SMAP1: variants seen among roughly 807,000 people sequenced by gnomAD.
SMAP1 encodes small ArfGAP 1, also known as stromal membrane-associated protein 1.
In SMAP1, 24 loss-of-function variants were observed where a neutral mutation model predicts 58.5. That is an observed-to-expected ratio of 0.41 (90% confidence interval 0.30 to 0.58). SMAP1 has a LOEUF of 0.58. SMAP1 is among the 20% of genes least tolerant of loss of function. The pLI is 0.29. For synonymous variants in SMAP1, 216 were observed against 196.6 expected, an observed-to-expected ratio of 1.10 and a Z score of -0.82; for missense variants, 563 against 566.3, an observed-to-expected ratio of 0.99 and a Z score of 0.06.
intron 8 of SMAP1, among the ~76,000 whole-genome samples, chr6:70,853,362 C>A (rs1300065983): frequency 6.6e-6 from 1 of 152,096 alleles, no homozygotes; most frequent in Non-Finnish European, 1.5e-5. Context: ...ACAAACTACT[C>A]TTAAGCATAC....
In SMAP1 at chr6:70,682,170, ATTTTTTTTT is replaced by A. The variant is rs66981900; in HGVS notation, c.118+14057_118+14065del. On this transcript the variant is annotated intron_variant, in intron 1 of 10. Coordinates refer to ENST00000370455, the MANE Select transcript of SMAP1 (RefSeq NM_001044305.3). ...GGATTTAAGGTTATTCTCTGCACAG[ATTTTTTTTT>A]TTTTTTTTTTTTTTTTTTTTTTTTT... is the stretch of plus-strand genomic sequence containing the variant. Among the ~76,000 whole-genome samples the A allele has an allele frequency of 7.3e-4, 70 of 95,906 alleles. 1 individual carries two copies. Among genetic ancestry groups the A allele is most frequent in the South Asian group, 2.8e-3 (8 of 2,822 alleles). 62.9% of individuals were successfully genotyped at this position (95,906 alleles called of 152,430 possible). A position where few individuals can be genotyped will look rare whatever the true frequency, so the allele number is the denominator to read the frequency against.
chr6:70,806,203 G>A (rs117640221), intron 6 of SMAP1, among the ~76,000 whole-genome samples: 2 of 152,338 alleles, frequency 1.3e-5, no homozygotes, highest in East Asian at 3.9e-4. Flanking sequence ...ACCTGCTGAA[G>A]CCTCAGCTAT....
At chr6:70,785,432 G>A (rs1010834164) in intron 4 of SMAP1, among the ~76,000 whole-genome samples, 1 of 151,520 alleles carries the variant, frequency 6.6e-6, no homozygotes, top group African/African-American at 2.4e-5. Flanking sequence ...AGCTAGCAGA[G>A]GCAAGAAATA....
At chr6:70,810,433 AAAT>A (rs1769337288) in intron 6 of SMAP1, among the ~76,000 whole-genome samples, 1 of 152,222 alleles carries the variant, frequency 6.6e-6, no homozygotes, top group Non-Finnish European at 1.5e-5. Flanking sequence ...CACTTAGAAA[AAAT>A]GATCACTAAT....
At chr6:70,758,452 A>G (rs867961760) in intron 3 of SMAP1, among the ~76,000 whole-genome samples, 2 of 151,686 alleles carry the variant, frequency 1.3e-5, no homozygotes, top group Admixed American at 6.6e-5. Flanking sequence ...GCACACCAGC[A>G]TGGCACATGT....
At chr6:70,786,160 A>G (rs968915400) in intron 4 of SMAP1, among the ~76,000 whole-genome samples, 4 of 151,810 alleles carry the variant, frequency 2.6e-5, no homozygotes, top group Admixed American at 2.0e-4. Context: ...ACACAAATCA[A>G]TAAATGTAAT....
At chr6:70,737,936 G>A (rs1765677136) in intron 2 of SMAP1, among the ~76,000 whole-genome samples, 1 of 152,172 alleles carries the variant, frequency 6.6e-6, no homozygotes, top group African/African-American at 2.4e-5. Context: ...AGGGTAACTT[G>A]AGCTAGCATA....
intron 1 of SMAP1, among the ~76,000 whole-genome samples, chr6:70,697,897 T>C (rs1421366667): frequency 6.6e-6 from 1 of 152,058 alleles, no homozygotes; most frequent in Non-Finnish European, 1.5e-5. Context: ...TTCTGATGGG[T>C]TCATCTCTTG....
chr6:70,817,360 T>C (rs1446291482), intron 6 of SMAP1, among the ~76,000 whole-genome samples: 1 of 152,036 alleles, frequency 6.6e-6, no homozygotes, highest in African/African-American at 2.4e-5. Context: ...TAAGGAAAGA[T>C]CAATTTGAGG....
At chr6:70,767,365 C>T (rs1283698925) in intron 3 of SMAP1, among the ~76,000 whole-genome samples, 2 of 152,180 alleles carry the variant, frequency 1.3e-5, no homozygotes, top group Non-Finnish European at 2.9e-5. Flanking sequence ...GATATTGACT[C>T]TTCCTACCCA....
chr6:70,767,733 A>C (rs988552652), intron 3 of SMAP1, among the ~76,000 whole-genome samples: 7 of 142,026 alleles, frequency 4.9e-5, no homozygotes, highest in East Asian at 4.1e-4. Context: ...TAATTGAATA[A>C]CCCTTTATTT....
chr6:70,845,927 A>T lies in SMAP1; in HGVS notation c.665-6613A>T, dbSNP rs117819350. Among the ~76,000 whole-genome samples, 971 of 152,282 alleles carry T rather than the reference A, an allele frequency of 6.4e-3. 5 individuals are homozygous for T. The highest frequency in any genetic ancestry group is 9.1e-3 in the Non-Finnish European group (621 of 68,008). Reference sequence around the variant, plus strand: ...GGAAAGGGGAAGCCCTGGTGTAGGGATTCTAGTTAAGAAGCAGTTGTAATC... The same window carrying T: ...GGAAAGGGGAAGCCCTGGTGTAGGGTTTCTAGTTAAGAAGCAGTTGTAATC... On this transcript the variant is annotated intron_variant, in intron 7 of 10. Coordinates refer to ENST00000370455, the MANE Select transcript of SMAP1 (RefSeq NM_001044305.3).
intron 1 of SMAP1, among the ~76,000 whole-genome samples, chr6:70,713,732 G>A (rs931127598): frequency 6.6e-6 from 1 of 152,100 alleles, no homozygotes; most frequent in Non-Finnish European, 1.5e-5. Flanking sequence ...TGAGTAGAAC[G>A]TTCTGTATAG....
At chr6:70,771,975 A>C (rs1767343251) in intron 3 of SMAP1, among the ~76,000 whole-genome samples, 1 of 152,186 alleles carries the variant, frequency 6.6e-6, no homozygotes, top group Non-Finnish European at 1.5e-5. Flanking sequence ...CCGTCTGCCC[A>C]GGGCACAAGG....
chr6:70,809,319 T>A (rs1769287798), intron 6 of SMAP1, among the ~76,000 whole-genome samples: 1 of 152,122 alleles, frequency 6.6e-6, no homozygotes, highest in East Asian at 1.9e-4. Flanking sequence ...GGGAAAGAAA[T>A]GAAAACAACC....
chr6:70,758,150 G>T (rs1368686167), intron 3 of SMAP1, among the ~76,000 whole-genome samples: 1 of 150,356 alleles, frequency 6.7e-6, no homozygotes. Flanking sequence ...ACTGGATTAA[G>T]AAAATGTGGC....
intron 1 of SMAP1, among the ~76,000 whole-genome samples, chr6:70,698,211 A>G (rs982089717): frequency 7.9e-5 from 12 of 152,272 alleles, no homozygotes; most frequent in African/African-American, 2.9e-4. Context: ...TTCAGCACTT[A>G]AAATATGTCA....
intron 2 of SMAP1, among the ~76,000 whole-genome samples, chr6:70,737,798 A>G (rs1765672347): frequency 6.6e-6 from 1 of 152,208 alleles, no homozygotes; most frequent in East Asian, 1.9e-4. Flanking sequence ...GAGAAAAAAG[A>G]ATCATGCACT....
At chr6:70,693,959 CA>C (rs1767293725) in intron 1 of SMAP1, 1 of 158,036 alleles carries the variant, frequency 6.3e-6, no homozygotes, top group Non-Finnish European at 1.4e-5. Context: ...CTACAGTCAT[CA>C]TAACAAATCT....
Sources: gnomAD v4.1 joint callset for allele counts (sites outside exome capture counted in the v4.1 genomes callset) on GRCh38, gnomAD v4.1.1 for gene constraint, MANE v1.5 for transcripts, NCBI Gene and HGNC (gene_info 2026-07-23, HGNC 2026-07-21) for gene names.